The following SDC3 variants were observed in gnomAD, a reference collection of about 807,000 sequenced individuals.
The protein encoded by SDC3 is syndecan-3.
In SDC3, 13 loss-of-function variants were observed where a neutral mutation model predicts 24.4. The observed-to-expected ratio is 0.53, with a 90% CI of 0.35 to 0.85. The LOEUF (loss-of-function observed/expected upper bound fraction) is 0.85. Among genes scored for constraint, SDC3 ranks in the 40% least tolerant of loss-of-function variants. SDC3 has a pLI of 0.01. For missense variants in SDC3, 571 were observed against 584.5 expected (o/e 0.98, Z 0.24); for synonymous variants, 295 against 260.9 (o/e 1.13, Z -1.26).
In SDC3 at chr1:30,894,252, AGTAT is replaced by A. The variant is rs1371372674; in HGVS notation, c.138+14193_138+14196del. Among the ~76,000 whole-genome samples the A allele has an allele frequency of 1.3e-4, 12 of 92,994 alleles. No individual in the cohort carries two copies. In the South Asian group the frequency reaches 1.6e-3, roughly 12 times the overall value. 61.0% of individuals were successfully genotyped at this position (92,994 alleles called of 152,430 possible). ...GGGGACGACAGCGTGTGTGTGGATGAGTATGTGTGTGTGTGGGTGAGTGTGTGTG... is the reference window on the plus strand; with the variant it reads ...GGGGACGACAGCGTGTGTGTGGATGAGTGTGTGTGTGGGTGAGTGTGTGTG... On this transcript the variant is annotated intron_variant, in intron 1 of 4. Transcript: ENST00000339394.
chr1:30,909,290 G>T (rs1638604101), upstream of SDC3, among the ~76,000 whole-genome samples: 1 of 152,142 alleles, frequency 6.6e-6, no homozygotes, highest in South Asian at 2.1e-4. Flanking sequence ...ATCAGGGCCC[G>T]GCCCTCTCTG....
At chr1:30,896,887 C>T (rs894060305) in intron 1 of SDC3, among the ~76,000 whole-genome samples, 4 of 152,098 alleles carry the variant, frequency 2.6e-5, no homozygotes, top group African/African-American at 9.7e-5. Context: ...TGCTTGAACC[C>T]GGGAAGCGGA....
intron 1 of SDC3, among the ~76,000 whole-genome samples, chr1:30,900,094 T>C (rs1371307450): frequency 5.9e-5 from 9 of 152,148 alleles, no homozygotes; most frequent in Non-Finnish European, 8.8e-5. Flanking sequence ...TGAACGAGCA[T>C]CTCCATAAGC....
intron 1 of SDC3, among the ~76,000 whole-genome samples, chr1:30,883,478 T>A (rs905459089): frequency 6.6e-6 from 1 of 152,244 alleles, no homozygotes; most frequent in African/African-American, 2.4e-5. Context: ...TCAGCTCTGC[T>A]TACTTGCTGG....
intron 3 of SDC3, among the ~76,000 whole-genome samples, chr1:30,874,880 C>G (rs1557513269): frequency 6.6e-6 from 1 of 152,242 alleles, no homozygotes; most frequent in Non-Finnish European, 1.5e-5. Context: ...CACACTGCCT[C>G]TGTTCTTGCT....
intron 1 of SDC3, among the ~76,000 whole-genome samples, chr1:30,903,034 G>A (rs946861243): frequency 6.6e-6 from 1 of 152,176 alleles, no homozygotes; most frequent in Non-Finnish European, 1.5e-5. Flanking sequence ...TGGCAGCCAC[G>A]AGCCTGCCCA....
rs754622138 is a variant in SDC3 at position 30,878,770 on chromosome 1, C to T, written c.139-30G>A. On this transcript the variant is annotated intron_variant, in intron 1 of 4. Transcript: ENST00000339394. ...GGAAGGTAGAGGTGGACACAGGGCT[C>T]GGCACCCGAGACTGGCAGCCTGGGT... 1.1e-5 allele frequency: 18 copies of T among 1,596,880 alleles called. No individual in the cohort carries two copies. The South Asian group carries it at 1.2e-4, about 11-fold the overall frequency.
chr1:30,900,046 A>G (rs936271707), intron 1 of SDC3, among the ~76,000 whole-genome samples: 6 of 152,244 alleles, frequency 3.9e-5, no homozygotes, highest in African/African-American at 1.2e-4. Flanking sequence ...ACATAGACAC[A>G]GTAACAGTCT....
chr1:30,887,117 G>A (rs1182911504), intron 1 of SDC3, among the ~76,000 whole-genome samples: 1 of 152,090 alleles, frequency 6.6e-6, no homozygotes, highest in East Asian at 1.9e-4. Flanking sequence ...GAAAGCCTGG[G>A]AGTGAGTAGA....
In SDC3 at chr1:30,908,466, CCAG is replaced by C. The variant is rs769204859; in HGVS notation, c.118_120del (p.Leu40del). 2,281 of 1,008,996 alleles carry C rather than the reference CCAG, an allele frequency of 2.3e-3. No individual in the cohort carries two copies. Among genetic ancestry groups the C allele is most frequent in the South Asian group, 9.9e-3 (304 of 30,600 alleles). The allele number at this position is 1,008,996 out of a possible 1,614,324, so 62.5% of individuals were successfully genotyped here. On this transcript the variant is annotated inframe_deletion, in exon 1 of 5. Transcript: ENST00000339394. ...TCACTCACCCCCGCGGCGCGCCCCG[CCAG>C]CAGCAGCAGCAGCAGCGGTGGCAGG... is the stretch of plus-strand genomic sequence containing the variant.
intron 1 of SDC3, among the ~76,000 whole-genome samples, chr1:30,894,402 G>A (rs1396673126): frequency 1.6e-5 from 2 of 127,276 alleles, no homozygotes; most frequent in African/African-American, 3.1e-5. Flanking sequence ...GTGGGGGAGT[G>A]AGAATGTGTG....
At chr1:30,899,867 C>T (rs891848416) in intron 1 of SDC3, among the ~76,000 whole-genome samples, 1 of 147,142 alleles carries the variant, frequency 6.8e-6, no homozygotes, top group African/African-American at 2.7e-5. Context: ...ACACTGACAG[C>T]CCCCTTGCAC....
intron 1 of SDC3, among the ~76,000 whole-genome samples, chr1:30,907,593 G>C (rs1421012231): frequency 2.0e-5 from 3 of 152,038 alleles, no homozygotes; most frequent in African/African-American, 7.2e-5. Flanking sequence ...ATAGCCAACA[G>C]TGGCCCAGCC....
intron 1 of SDC3, among the ~76,000 whole-genome samples, chr1:30,884,165 G>A (rs919904027): frequency 1.3e-5 from 2 of 152,078 alleles, no homozygotes; most frequent in African/African-American, 4.8e-5. Context: ...TGAGGGGCAC[G>A]AGGACTGCAC....
chr1:30,879,009 A>G (rs1057468789), intron 1 of SDC3: 1 of 431,812 alleles, frequency 2.3e-6, no homozygotes, highest in Non-Finnish European at 4.2e-6. Flanking sequence ...TCTTGACTGC[A>G]CATCTGAATA....
chr1:30,891,534 C>T (rs1413472006), intron 1 of SDC3, among the ~76,000 whole-genome samples: 1 of 152,158 alleles, frequency 6.6e-6, no homozygotes, highest in Non-Finnish European at 1.5e-5. Flanking sequence ...CTGTCTTGAG[C>T]CTCAACACCT....
Position 30,878,759 on chromosome 1 carries a change from G to GAC in SDC3, c.139-21_139-20dup. On this transcript the variant is annotated intron_variant, in intron 1 of 4. Transcript: ENST00000339394. ...GCTGGGCCTAGGGAAGGTAGAGGTG[G>GAC]ACACAGGGCTCGGCACCCGAGACTG... 1 of 1,608,538 alleles carries GAC rather than the reference G, an allele frequency of 6.2e-7. No individual in the cohort carries two copies. Among genetic ancestry groups the GAC allele is most frequent in the Non-Finnish European group, 8.5e-7 (1 of 1,174,864 alleles).
rs149340393 is a variant in SDC3, at chr1:30,893,543, C to T, written c.139-14803G>A. On this transcript the variant is annotated intron_variant, in intron 1 of 4. Transcript: ENST00000339394. Reference sequence around the variant, plus strand: ...CTCACGCGTCCCCTCCTCATGGAGGCGTCCCCATCCCACCCTAGTCTCAGG... The same window carrying T: ...CTCACGCGTCCCCTCCTCATGGAGGTGTCCCCATCCCACCCTAGTCTCAGG... Among the ~76,000 whole-genome samples, 61 of 152,152 alleles carry T rather than the reference C, an allele frequency of 4.0e-4. 1 individual carries two copies. The highest frequency in any genetic ancestry group is 3.4e-3 in the Middle Eastern group (1 of 294).
In SDC3 at chr1:30,874,288, A is replaced by G. The variant is rs1639592169; in HGVS notation, c.1162+9T>C. ...CCAGGCTCCCCTTGGCCCAGACCCCAAGCCTCACCTACGAGCACCTCCTTC... is the reference window on the plus strand; with the variant it reads ...CCAGGCTCCCCTTGGCCCAGACCCCGAGCCTCACCTACGAGCACCTCCTTC... On this transcript the variant is annotated intron_variant, in intron 4 of 4. Coordinates refer to ENST00000339394, the MANE Select transcript of SDC3 (RefSeq NM_014654.4). 6.3e-7 allele frequency: 1 copy of G among 1,598,542 alleles called. No individual in the cohort carries two copies. The highest frequency in any genetic ancestry group is 8.5e-7 in the Non-Finnish European group (1 of 1,172,568).
Sources: allele counts gnomAD v4.1 joint callset (sites outside exome capture counted in the v4.1 genomes callset), GRCh38; gene constraint gnomAD v4.1.1; transcripts MANE v1.5; gene names NCBI Gene and HGNC (gene_info 2026-07-23, HGNC 2026-07-21).